The following SUCLG2 variants were observed in gnomAD, a reference collection of about 807,000 sequenced individuals.
The protein encoded by SUCLG2 is succinate-CoA ligase GDP-forming subunit beta.
SUCLG2 carries 42 observed loss-of-function variants against 47.9 expected under a neutral mutation model. That is an observed-to-expected ratio of 0.88 (90% CI 0.69 to 1.14). The LOEUF is 1.14. Ranked by LOEUF, SUCLG2 falls within the 50% of genes most tolerant of loss-of-function variation. The pLI is 0.00. For synonymous variants in SUCLG2, 195 were observed against 197.3 expected, an observed-to-expected ratio of 0.99 and a Z score of 0.10; for missense variants, 571 against 525.9, an observed-to-expected ratio of 1.09 and a Z score of -0.84.
intron 9 of SUCLG2, among the ~76,000 whole-genome samples, chr3:67,453,819 G>C (rs1221200275): frequency 6.6e-6 from 1 of 152,164 alleles, no homozygotes; most frequent in Admixed American, 6.5e-5. Flanking sequence ...GGTCACATGT[G>C]TATCAGTTAC....
At chr3:67,444,043 C>T (rs1263225385) in intron 9 of SUCLG2, among the ~76,000 whole-genome samples, 15 of 122,190 alleles carry the variant, frequency 1.2e-4, no homozygotes, top group African/African-American at 4.2e-4. Flanking sequence ...GCCAGCCGCC[C>T]CGTCCGGGAG....
intron 1 of SUCLG2, among the ~76,000 whole-genome samples, chr3:67,646,668 T>C (rs1250319694): frequency 6.6e-6 from 1 of 151,848 alleles, no homozygotes; most frequent in Non-Finnish European, 1.5e-5. Context: ...AAAAAAGGTA[T>C]CTTACAAAGA....
chr3:67,636,249 C>G (rs1701007184), intron 1 of SUCLG2, among the ~76,000 whole-genome samples: 1 of 151,984 alleles, frequency 6.6e-6, no homozygotes, highest in African/African-American at 2.4e-5. Flanking sequence ...TGCAGACAGC[C>G]TGAGAGCTAT....
intron 2 of SUCLG2, among the ~76,000 whole-genome samples, chr3:67,553,374 A>G (rs761613096): frequency 5.3e-5 from 8 of 152,214 alleles, no homozygotes; most frequent in African/African-American, 1.9e-4. Context: ...TAAAGTGACA[A>G]ATGTTTAAAA....
At chr3:67,517,588 C>T (rs766773976) in intron 6 of SUCLG2, among the ~76,000 whole-genome samples, 10 of 151,998 alleles carry the variant, frequency 6.6e-5, no homozygotes, top group Non-Finnish European at 1.3e-4. Context: ...GAGCAGGGGA[C>T]GATACTAAGA....
intron 2 of SUCLG2, among the ~76,000 whole-genome samples, chr3:67,559,687 A>G (rs1402386978): frequency 6.6e-6 from 1 of 152,184 alleles, no homozygotes; most frequent in Non-Finnish European, 1.5e-5. Flanking sequence ...CAGAGGTGAA[A>G]CTTTGTGAAA....
chr3:67,625,425 G>A (rs1700809500), intron 1 of SUCLG2, among the ~76,000 whole-genome samples: 1 of 152,166 alleles, frequency 6.6e-6, no homozygotes, highest in South Asian at 2.1e-4. Flanking sequence ...CCAGGGAGGT[G>A]AGAAATGCAC....
rs567730748 is a variant in SUCLG2 at position 67,439,786 on chromosome 3, G to A, written c.1063-38935C>T. On this transcript the variant is annotated intron_variant, in intron 9 of 10. Coordinates refer to ENST00000307227, the MANE Select transcript of SUCLG2 (RefSeq NM_003848.4). Reference sequence around the variant, plus strand: ...CTCATGAATAGGAAGAATCAATATCGTCAAAATGGCCATACTGCCAAAAGG... The same window carrying A: ...CTCATGAATAGGAAGAATCAATATCATCAAAATGGCCATACTGCCAAAAGG... Among the ~76,000 whole-genome samples the A allele has an allele frequency of 9.2e-5, 14 of 152,214 alleles. No homozygotes were observed. In the South Asian group the frequency reaches 2.7e-3, roughly 29 times the overall value.
chr3:67,378,458 C>T (rs6548517), intron 10 of SUCLG2, among the ~76,000 whole-genome samples: 143,568 of 152,322 alleles, frequency 0.94, 67,850 homozygotes, highest in East Asian at 1. Context: ...CTCTGGCCAA[C>T]GGCTGATGAG....
intron 2 of SUCLG2, among the ~76,000 whole-genome samples, chr3:67,601,211 T>C (rs908989852): frequency 2.0e-5 from 3 of 152,218 alleles, no homozygotes; most frequent in African/African-American, 4.8e-5. Flanking sequence ...CATATACATA[T>C]GTACACAGAA....
chr3:67,638,014 G>A (rs967602416), intron 1 of SUCLG2, among the ~76,000 whole-genome samples: 2 of 152,152 alleles, frequency 1.3e-5, no homozygotes, highest in Admixed American at 6.5e-5. Flanking sequence ...ATAATTACAT[G>A]TTAAACTACA....
chr3:67,396,015 C>A (rs1468202797), intron 10 of SUCLG2, among the ~76,000 whole-genome samples: 1 of 151,886 alleles, frequency 6.6e-6, no homozygotes, highest in African/African-American at 2.4e-5. Context: ...GGGACACATT[C>A]AAAGCAGTGT....
At chr3:67,438,140 T>C (rs9881560) in intron 9 of SUCLG2, among the ~76,000 whole-genome samples, 87,194 of 152,060 alleles carry the variant, frequency 0.57, 25,408 homozygotes, top group Non-Finnish European at 0.62. Context: ...ACTGGGTAAC[T>C]AATGAAATTA....
chr3:67,462,506 C>T (rs770478080), intron 9 of SUCLG2, among the ~76,000 whole-genome samples: 10 of 152,186 alleles, frequency 6.6e-5, no homozygotes, highest in Non-Finnish European at 1.3e-4. Flanking sequence ...GGATGGCGTT[C>T]AGGAGCTTCT....
At chr3:67,508,167 A>G (rs1705688876) in intron 7 of SUCLG2, among the ~76,000 whole-genome samples, 1 of 152,184 alleles carries the variant, frequency 6.6e-6, no homozygotes, top group African/African-American at 2.4e-5. Flanking sequence ...AAGTAAGGTG[A>G]AAGAGTTCAA....
At chr3:67,475,826 T>C (rs1559540305) in intron 9 of SUCLG2, among the ~76,000 whole-genome samples, 2 of 151,970 alleles carry the variant, frequency 1.3e-5, no homozygotes, top group Admixed American at 6.6e-5. Context: ...AGTGCTGGGA[T>C]TACAGTCATC....
chr3:67,464,762 T>A (rs564388699), intron 9 of SUCLG2, among the ~76,000 whole-genome samples: 1 of 152,372 alleles, frequency 6.6e-6, no homozygotes. Context: ...CTACTTTACT[T>A]TGTCTTTTAG....
At chr3:67,486,853 T>C (rs1314444253) in intron 9 of SUCLG2, among the ~76,000 whole-genome samples, 1 of 152,188 alleles carries the variant, frequency 6.6e-6, no homozygotes, top group East Asian at 1.9e-4. Flanking sequence ...TTTGATCTCA[T>C]TTGGGAACAT....
intron 9 of SUCLG2, among the ~76,000 whole-genome samples, chr3:67,407,999 A>C (rs184389045): frequency 6.6e-6 from 1 of 152,282 alleles, no homozygotes; most frequent in East Asian, 1.9e-4. Flanking sequence ...TACTCTGCTA[A>C]ATTAGAGGGG....
Sources: allele counts gnomAD v4.1 joint callset (sites outside exome capture counted in the v4.1 genomes callset), GRCh38; gene constraint gnomAD v4.1.1; transcripts MANE v1.5; gene names NCBI Gene and HGNC (gene_info 2026-07-23, HGNC 2026-07-21).